Variants in GRHL2 observed in about 807,000 individuals in gnomAD.
The protein encoded by GRHL2 is grainyhead-like protein 2 homolog.
In GRHL2, 21 loss-of-function variants were observed where a neutral mutation model predicts 83.8. The ratio of observed to expected loss-of-function variants is 0.25; its 90% CI spans 0.18 to 0.36. The LOEUF (loss-of-function observed/expected upper bound fraction) is 0.36. Ranked by LOEUF, GRHL2 falls within the 10% of genes least tolerant of loss-of-function variation. The probability of loss-of-function intolerance (pLI) is 1.00; values close to 1 mark genes in which losing one functional copy is unlikely to be tolerated. For synonymous variants in GRHL2, 280 were observed against 278.9 expected, an observed-to-expected ratio of 1.00 and a Z score of -0.04; for missense variants, 623 against 781.8, an observed-to-expected ratio of 0.80 and a Z score of 2.42.
intron 1 of GRHL2, among the ~76,000 whole-genome samples, chr8:101,537,587 C>T (rs187867105): frequency 6.6e-6 from 1 of 152,240 alleles, no homozygotes; most frequent in Non-Finnish European, 1.5e-5. Flanking sequence ...CTATAATGCA[C>T]CAAGCACTTC....
At chr8:101,493,431 C>G (rs903123915) in intron 1 of GRHL2, among the ~76,000 whole-genome samples, 3 of 9,900 alleles carry the variant, frequency 3.0e-4, no homozygotes, top group African/African-American at 4.0e-4. Context: ...CTTCCTCCCC[C>G]CTCCCCCGCC....
At position 101,577,476 on chromosome 8, in the gene GRHL2, G is replaced by A; in HGVS notation, c.960G>A (p.Trp320Ter). ...RDEQLKYWKY[W>*]HSRQHTAKQR... ...AACAGCTCAAATACTGGAAATACTG[G>A]CACTCTCGGCAGCATACGGCGAAGC... is the stretch of plus-strand genomic sequence containing the variant. The change falls in exon 7 of 16, where the codon TGG (tryptophan) becomes TGA (stop). Residue 320 changes from tryptophan to a stop codon, truncating the protein, a stop_gained. Coordinates refer to ENST00000646743, the MANE Select transcript of GRHL2 (RefSeq NM_024915.4). LOFTEE classifies it high-confidence loss of function. The A allele has an allele frequency of 6.2e-7, 1 of 1,614,036 alleles. No homozygotes were observed.
chr8:101,541,611 G>A (rs1285619124), intron 1 of GRHL2, among the ~76,000 whole-genome samples: 3 of 152,030 alleles, frequency 2.0e-5, no homozygotes, highest in African/African-American at 7.2e-5. Context: ...GCCATGTTAC[G>A]ATGTGCTGAC....
intron 4 of GRHL2, among the ~76,000 whole-genome samples, chr8:101,565,730 C>T (rs575531047): frequency 6.6e-6 from 1 of 152,170 alleles, no homozygotes; most frequent in African/African-American, 2.4e-5. Flanking sequence ...AACATAACTG[C>T]AAGAGGGCCG....
At chr8:101,563,018 T>C (rs1376869417) in intron 4 of GRHL2, among the ~76,000 whole-genome samples, 1 of 152,224 alleles carries the variant, frequency 6.6e-6, no homozygotes, top group Non-Finnish European at 1.5e-5. Flanking sequence ...TTGAAAATAA[T>C]GAATATTTGA....
At chr8:101,671,200 G>A (rs552129554), downstream of GRHL2, among the ~76,000 whole-genome samples, 15 of 152,298 alleles carry the variant, frequency 9.8e-5, 1 homozygote, top group South Asian at 2.1e-4. Context: ...TGCACCCTGC[G>A]CAAGCTGAAG....
At chr8:101,649,603 T>G in intron 14 of GRHL2, 104 bp downstream of exon 14, 1 of 825,710 alleles carries the variant, frequency 1.2e-6, no homozygotes, top group Non-Finnish European at 2.1e-6. Context: ...CAGAATGAGC[T>G]TTATACAGAA....
At chr8:101,536,412 A>G (rs903498874) in intron 1 of GRHL2, among the ~76,000 whole-genome samples, 3 of 152,246 alleles carry the variant, frequency 2.0e-5, no homozygotes, top group Non-Finnish European at 2.9e-5. Context: ...AAAGAGAAAG[A>G]ATAATAGCTA....
At chr8:101,617,005 C>G (rs541436583) in intron 8 of GRHL2, among the ~76,000 whole-genome samples, 2 of 152,306 alleles carry the variant, frequency 1.3e-5, no homozygotes, top group East Asian at 3.9e-4. Context: ...TCCATCATCT[C>G]ACATCCAATG....
chr8:101,512,248 G>A (rs932757425), intron 1 of GRHL2, among the ~76,000 whole-genome samples: 13 of 151,612 alleles, frequency 8.6e-5, no homozygotes, highest in African/African-American at 3.2e-4. Flanking sequence ...TAAACTTTAT[G>A]AATAACTTTA....
Position 101,636,946 on chromosome 8 carries a change from T to C in GRHL2, c.1517+18T>C. On this transcript the variant is annotated intron_variant, in intron 12 of 15. Coordinates refer to ENST00000646743, the MANE Select transcript of GRHL2 (RefSeq NM_024915.4). ...CGAGAAGGGTAAGACACTCAGTTCTTTCATTTCAACACTCCAAGTCAGCTC... is the reference window on the plus strand; with the variant it reads ...CGAGAAGGGTAAGACACTCAGTTCTCTCATTTCAACACTCCAAGTCAGCTC... 1.2e-6 allele frequency: 2 copies of C among 1,611,732 alleles called. No individual in the cohort carries two copies. Among genetic ancestry groups the C allele is most frequent in the South Asian group, 2.2e-5 (2 of 91,028 alleles).
intron 6 of GRHL2, among the ~76,000 whole-genome samples, chr8:101,574,511 T>C (rs1030300598): frequency 3.9e-5 from 6 of 152,358 alleles, no homozygotes; most frequent in African/African-American, 1.4e-4. Flanking sequence ...TTTCCTGATC[T>C]GTTGTAAAAT....
At chr8:101,630,406 A>C (rs558891976) in intron 9 of GRHL2, among the ~76,000 whole-genome samples, 25 of 152,202 alleles carry the variant, frequency 1.6e-4, no homozygotes, top group Admixed American at 1.2e-3. Flanking sequence ...TGTTTTTAAA[A>C]TTTGAACCAT....
intron 7 of GRHL2, among the ~76,000 whole-genome samples, chr8:101,588,577 G>A (rs1008458693): frequency 6.6e-6 from 1 of 152,174 alleles, no homozygotes; most frequent in Admixed American, 6.5e-5. Context: ...GCAGCCAGGG[G>A]TAAGTGGGAA....
intron 4 of GRHL2, among the ~76,000 whole-genome samples, chr8:101,561,732 G>A (rs1811611990): frequency 6.6e-6 from 1 of 152,050 alleles, no homozygotes; most frequent in Admixed American, 6.6e-5. Context: ...TATCCAAATG[G>A]CATAACCATT....
intron 1 of GRHL2, among the ~76,000 whole-genome samples, chr8:101,517,420 G>T (rs1810594474): frequency 1.3e-5 from 2 of 152,198 alleles, no homozygotes. Context: ...AACAAAGAGT[G>T]CAGGGAAAGT....
chr8:101,662,860 C>CATATATATAT (rs34202494), intron 14 of GRHL2, among the ~76,000 whole-genome samples: 2,739 of 146,130 alleles, frequency 0.019, 35 homozygotes, highest in Middle Eastern at 0.057. Context: ...TATGTACTTA[C>CATATATATAT]ATATATATAC....
At chr8:101,653,056 C>T (rs1346403986) in intron 14 of GRHL2, among the ~76,000 whole-genome samples, 2 of 152,104 alleles carry the variant, frequency 1.3e-5, no homozygotes, top group Non-Finnish European at 2.9e-5. Flanking sequence ...TATCTGCATC[C>T]GAAACTCCGA....
intron 11 of GRHL2, among the ~76,000 whole-genome samples, 177 bp downstream of exon 11, chr8:101,632,542 A>G (rs1813206997): frequency 6.6e-6 from 1 of 152,236 alleles, no homozygotes; most frequent in Non-Finnish European, 1.5e-5. Flanking sequence ...ATGTCTCAGG[A>G]GAGGAAACTA....
Sources: allele counts gnomAD v4.1 joint callset (sites outside exome capture counted in the v4.1 genomes callset), GRCh38; gene constraint gnomAD v4.1.1; transcripts MANE v1.5; gene names NCBI Gene and HGNC (gene_info 2026-07-23, HGNC 2026-07-21).